The following SLC28A1 variants were observed in gnomAD, a reference collection of about 807,000 sequenced individuals.
SLC28A1 encodes sodium/nucleoside cotransporter 1.
SLC28A1 carries 64 observed loss-of-function variants against 74.8 expected under a neutral mutation model. The observed-to-expected ratio is 0.86, with a 90% CI of 0.70 to 1.05. The LOEUF (loss-of-function observed/expected upper bound fraction) is 1.05. Ranked by LOEUF, SLC28A1 falls within the 50% of genes least tolerant of loss-of-function variation. SLC28A1 has a pLI of 0.00. For missense variants in SLC28A1, 828 were observed against 822.8 expected (o/e 1.01, Z -0.08); for synonymous variants, 359 against 335.0 (o/e 1.07, Z -0.78).
chr15:84,919,031 C>A (rs1969483255), intron 10 of SLC28A1, among the ~76,000 whole-genome samples: 1 of 152,130 alleles, frequency 6.6e-6, no homozygotes, highest in Non-Finnish European at 1.5e-5. Flanking sequence ...TGTCCTTTCC[C>A]AGGGTCTCCT....
intron 6 of SLC28A1, among the ~76,000 whole-genome samples, chr15:84,898,933 C>T (rs1057116124): frequency 1.3e-5 from 2 of 152,124 alleles, no homozygotes; most frequent in Admixed American, 6.6e-5. Context: ...CACAGAGACA[C>T]AGTTGAGAGA....
At chr15:84,959,628 C>T in the SLC28A1 span, among the ~76,000 whole-genome samples, 4 of 152,256 alleles carry the variant, frequency 2.6e-5, no homozygotes, top group East Asian at 7.7e-4. Flanking sequence ...TTCCTGCTAT[C>T]ATAATTTTAA....
rs1032242398 is a variant in SLC28A1 at position 84,928,914 on chromosome 15, C to A, written c.1084-4231C>A. Among the ~76,000 whole-genome samples the A allele has an allele frequency of 2.0e-5, 3 of 151,882 alleles. No individual in the cohort carries two copies. The East Asian group carries it at 5.9e-4, about 30-fold the overall frequency. ...CTGGGATTACAGGCATGAGCCACTG[C>A]GCCCAGCCTCCAAGCTCCCAGATTC... On this transcript the variant is annotated intron_variant, in intron 12 of 18. Transcript: ENST00000394573.
chr15:84,958,158 G>A, the SLC28A1 span, among the ~76,000 whole-genome samples: 6 of 152,166 alleles, frequency 3.9e-5, no homozygotes, highest in Non-Finnish European at 8.8e-5. Context: ...CTTATATCCA[G>A]AGAAAATTGT....
chr15:84,912,797 T>TGCGCGCGCGCGC (rs148740007), intron 9 of SLC28A1, among the ~76,000 whole-genome samples: 73 of 118,236 alleles, frequency 6.2e-4, no homozygotes, highest in African/African-American at 2.4e-3. Context: ...TGCCAAATTT[T>TGCGCGCGCGCGC]GCGCGCGCGC....
In SLC28A1 at chr15:84,933,302, C is replaced by T. The variant is rs753450550; in HGVS notation, c.1214+27C>T. On this transcript the variant is annotated intron_variant, in intron 13 of 18. Coordinates refer to ENST00000394573, the MANE Select transcript of SLC28A1 (RefSeq NM_004213.5). ...TGAGCACAGCAGGAGGTCCTGCAGA[C>T]AGGGTAGTGGTACAAGGTGGGGGGA... 3 of 1,609,468 alleles carry T rather than the reference C, an allele frequency of 1.9e-6. No individual in the cohort carries two copies. The East Asian group carries it at 6.7e-5, about 36-fold the overall frequency.
intron 15 of SLC28A1, among the ~76,000 whole-genome samples, chr15:84,936,100 C>T (rs748656073): frequency 9.3e-5 from 14 of 150,294 alleles, no homozygotes; most frequent in South Asian, 2.1e-4. Context: ...GGACTACAGG[C>T]GCCCACCACC....
At chr15:84,915,242 G>A (rs1178037772) in intron 9 of SLC28A1, among the ~76,000 whole-genome samples, 1 of 152,184 alleles carries the variant, frequency 6.6e-6, no homozygotes, top group Non-Finnish European at 1.5e-5. Context: ...CCCACCACAG[G>A]GAAGTTGGTG....
intron 13 of SLC28A1, 34 bp from the exon 14 acceptor site, chr15:84,934,992 G>C: frequency 2.5e-6 from 4 of 1,599,936 alleles, no homozygotes; most frequent in Non-Finnish European, 3.4e-6. Flanking sequence ...TGTGGAGACA[G>C]GCCAGTAATG....
chr15:84,971,101 C>T, the SLC28A1 span, among the ~76,000 whole-genome samples: 1 of 152,148 alleles, frequency 6.6e-6, no homozygotes, highest in Non-Finnish European at 1.5e-5. Flanking sequence ...GCAGTGATAC[C>T]ATCTGCAAAT....
intron 17 of SLC28A1, 26 bp downstream of exon 17, chr15:84,944,690 A>G (rs764400181): frequency 5.0e-6 from 8 of 1,605,572 alleles, no homozygotes; most frequent in Non-Finnish European, 6.8e-6. Context: ...GCAGGCTCAG[A>G]AGGTGGAACC....
intron 12 of SLC28A1, among the ~76,000 whole-genome samples, chr15:84,927,417 C>A (rs529309320): frequency 3.9e-5 from 6 of 152,272 alleles, no homozygotes; most frequent in Admixed American, 1.3e-4. Context: ...TAGAATTGGA[C>A]AAACAGAGTG....
At chr15:84,952,081 G>C in the SLC28A1 span, among the ~76,000 whole-genome samples, 1 of 152,152 alleles carries the variant, frequency 6.6e-6, no homozygotes, top group Non-Finnish European at 1.5e-5. Context: ...TACCCACTAA[G>C]ATCCGTGTTC....
At chr15:84,885,704 C>A (rs1242172539) in intron 1 of SLC28A1, among the ~76,000 whole-genome samples, 1 of 136,730 alleles carries the variant, frequency 7.3e-6, no homozygotes, top group Non-Finnish European at 1.5e-5. Context: ...GTACTCCAGC[C>A]TGGGCAACAA....
chr15:84,923,087 G>T (rs962020399), intron 11 of SLC28A1, among the ~76,000 whole-genome samples: 4 of 152,124 alleles, frequency 2.6e-5, no homozygotes, highest in Admixed American at 1.3e-4. Context: ...ACTGACATGT[G>T]TCAGCATGCC....
At chr15:84,968,322 G>C in the SLC28A1 span, among the ~76,000 whole-genome samples, 1 of 152,188 alleles carries the variant, frequency 6.6e-6, no homozygotes, top group Admixed American at 6.5e-5. Context: ...TGGCTTAGCT[G>C]GTTGTTCTGG....
intron 11 of SLC28A1, 147 bp from the exon 12 acceptor site, chr15:84,923,838 G>A (rs895074185): frequency 3.0e-6 from 3 of 1,001,128 alleles, no homozygotes; most frequent in African/African-American, 3.2e-5. Flanking sequence ...GAGGTTCAGA[G>A]AAGCTCAGCC....
At chr15:84,939,223 G>A (rs1281083425) in intron 15 of SLC28A1, among the ~76,000 whole-genome samples, 4 of 152,216 alleles carry the variant, frequency 2.6e-5, no homozygotes, top group Non-Finnish European at 5.9e-5. Flanking sequence ...GGGACACTGA[G>A]GCAGGAGGAT....
downstream of SLC28A1, among the ~76,000 whole-genome samples, chr15:84,948,576 G>A (rs972446071): frequency 5.3e-5 from 8 of 152,124 alleles, no homozygotes; most frequent in African/African-American, 1.4e-4. Context: ...GAGTCACCAC[G>A]GTGGGGCTAT....
Sources: allele counts gnomAD v4.1 joint callset (sites outside exome capture counted in the v4.1 genomes callset), GRCh38; gene constraint gnomAD v4.1.1; transcripts MANE v1.5; gene names NCBI Gene and HGNC (gene_info 2026-07-23, HGNC 2026-07-21).